Variants in SORCS2 observed in about 807,000 individuals in gnomAD.
The protein encoded by SORCS2 is VPS10 domain-containing receptor SorCS2.
A neutral mutation model predicts 141.6 loss-of-function variants in SORCS2; 100 were observed. The observed-to-expected ratio is 0.71, with a 90% confidence interval of 0.60 to 0.83. The LOEUF (loss-of-function observed/expected upper bound fraction) is 0.83. Ranked by LOEUF, SORCS2 falls within the 40% of genes least tolerant of loss-of-function variation. The pLI is 0.00. For missense variants in SORCS2, 1,646 were observed against 1,560.2 expected (o/e 1.05, Z -0.93); for synonymous variants, 789 against 676.9 (o/e 1.17, Z -2.57).
chr4:7,579,443 G>T (rs1200494263), intron 3 of SORCS2, among the ~76,000 whole-genome samples: 1 of 152,074 alleles, frequency 6.6e-6, no homozygotes, highest in Admixed American at 6.5e-5. Context: ...ATGTATAGCT[G>T]AGCAAACTGA....
intron 3 of SORCS2, among the ~76,000 whole-genome samples, chr4:7,540,785 C>T (rs1379857491): frequency 2.6e-5 from 4 of 152,220 alleles, no homozygotes; most frequent in East Asian, 1.9e-4. Flanking sequence ...CCCCCTGCCC[C>T]CCGCACCCCG....
chr4:7,333,976 C>G (rs1364337745), intron 1 of SORCS2, among the ~76,000 whole-genome samples: 2 of 152,060 alleles, frequency 1.3e-5, no homozygotes, highest in Non-Finnish European at 2.9e-5. Context: ...CCTCCATACT[C>G]AGCTGGGGAC....
chr4:7,317,314 A>T (rs901733696), intron 1 of SORCS2, among the ~76,000 whole-genome samples: 1 of 152,198 alleles, frequency 6.6e-6, no homozygotes, highest in Non-Finnish European at 1.5e-5. Flanking sequence ...CCAAAAGATG[A>T]ATAAGGAGCT....
intron 3 of SORCS2, among the ~76,000 whole-genome samples, chr4:7,610,586 G>T (rs1488415776): frequency 1.3e-5 from 2 of 152,218 alleles, no homozygotes; most frequent in African/African-American, 2.4e-5. Flanking sequence ...CCTGGGGTGG[G>T]GCTTGGGGGG....
At chr4:7,653,966 G>C (rs6826370) in intron 4 of SORCS2, among the ~76,000 whole-genome samples, 168 bp from the exon 5 acceptor site, 1 of 152,128 alleles carries the variant, frequency 6.6e-6, no homozygotes. Context: ...TCCTGGAGGC[G>C]GTGGGGTTTG....
At chr4:7,690,815 A>G (rs115631397) in intron 11 of SORCS2, among the ~76,000 whole-genome samples, 3 of 152,218 alleles carry the variant, frequency 2.0e-5, no homozygotes, top group Admixed American at 2.0e-4. Flanking sequence ...AAACAAGTAT[A>G]CAACTAGCAC....
At chr4:7,711,639 G>C (rs999862953) in intron 14 of SORCS2, among the ~76,000 whole-genome samples, 3 of 152,246 alleles carry the variant, frequency 2.0e-5, no homozygotes, top group Admixed American at 1.3e-4. Flanking sequence ...GAGGGAGAAA[G>C]CGAGGCACCT....
At chr4:7,706,860 C>A (rs1725503794) in intron 14 of SORCS2, among the ~76,000 whole-genome samples, 1 of 152,216 alleles carries the variant, frequency 6.6e-6, no homozygotes, top group Non-Finnish European at 1.5e-5. Flanking sequence ...AGAGTATGTC[C>A]CCTCGTTTGT....
intron 2 of SORCS2, among the ~76,000 whole-genome samples, chr4:7,435,695 G>A (rs1727252243): frequency 6.6e-6 from 1 of 152,246 alleles, no homozygotes; most frequent in Non-Finnish European, 1.5e-5. Flanking sequence ...TCGTTTCTGT[G>A]TCATCTGTTA....
intron 2 of SORCS2, among the ~76,000 whole-genome samples, chr4:7,472,476 A>G (rs1560313023): frequency 1.3e-5 from 2 of 152,048 alleles, no homozygotes; most frequent in Non-Finnish European, 2.9e-5. Flanking sequence ...CTACAGGCCT[A>G]GTGGGTTGTG....
intron 3 of SORCS2, among the ~76,000 whole-genome samples, chr4:7,602,316 G>T (rs1469554532): frequency 1.3e-5 from 2 of 151,910 alleles, no homozygotes; most frequent in African/African-American, 4.8e-5. Flanking sequence ...CCCACCTCCT[G>T]GAGGGGGCGG....
intron 2 of SORCS2, among the ~76,000 whole-genome samples, chr4:7,505,343 A>G (rs1460592265): frequency 2.6e-5 from 4 of 152,124 alleles, no homozygotes; most frequent in African/African-American, 9.7e-5. Flanking sequence ...GGCTGTTCTC[A>G]GAAGGTCTCA....
At chr4:7,708,103 G>C (rs146737354) in intron 14 of SORCS2, among the ~76,000 whole-genome samples, 199 of 152,314 alleles carry the variant, frequency 1.3e-3, no homozygotes, top group African/African-American at 4.7e-3. Context: ...TTCCCTTCCA[G>C]AGACCTGGGC....
intron 2 of SORCS2, among the ~76,000 whole-genome samples, chr4:7,414,112 G>A (rs765285734): frequency 7.9e-5 from 12 of 152,196 alleles, no homozygotes; most frequent in South Asian, 2.1e-4. Flanking sequence ...ACAAGGATAC[G>A]CTTGCTATTC....
At chr4:7,622,122 C>G (rs1199738116) in intron 3 of SORCS2, among the ~76,000 whole-genome samples, 1 of 152,298 alleles carries the variant, frequency 6.6e-6, no homozygotes, top group East Asian at 1.9e-4. Context: ...AAGCCAGGAT[C>G]CCTGCGCTCC....
chr4:7,651,221 G>A (rs901507076), intron 4 of SORCS2, among the ~76,000 whole-genome samples: 1 of 152,186 alleles, frequency 6.6e-6, no homozygotes, highest in Non-Finnish European at 1.5e-5. Flanking sequence ...GCAAACGCGT[G>A]TTGTGGATAG....
chr4:7,413,788 G>C lies in SORCS2; in HGVS notation c.548+17433G>C, dbSNP rs543765312. Among the ~76,000 whole-genome samples, 5 of 152,294 alleles carry C rather than the reference G, an allele frequency of 3.3e-5. No homozygotes were observed. In the East Asian group the frequency reaches 9.6e-4, roughly 29 times the overall value. ...ATTTTTAGACCTCTGAGTCATTTCT[G>C]ATTTTCACTAATGCCGAGATGTAAA... is the stretch of plus-strand genomic sequence containing the variant. On this transcript the variant is annotated intron_variant, in intron 2 of 26. Transcript: ENST00000507866.
chr4:7,315,573 G>T (rs1221419196), intron 1 of SORCS2, among the ~76,000 whole-genome samples: 1 of 152,206 alleles, frequency 6.6e-6, no homozygotes, highest in African/African-American at 2.4e-5. Flanking sequence ...GGACTTTGCT[G>T]TGGTGCGCCA....
At chr4:7,591,748 C>T (rs1042460505) in intron 3 of SORCS2, among the ~76,000 whole-genome samples, 2 of 152,202 alleles carry the variant, frequency 1.3e-5, no homozygotes, top group African/African-American at 2.4e-5. Context: ...TAAAGCGCCC[C>T]ACGGCAGTGA....
Sources: gnomAD v4.1 joint callset for allele counts (sites outside exome capture counted in the v4.1 genomes callset) on GRCh38, gnomAD v4.1.1 for gene constraint, MANE v1.5 for transcripts, NCBI Gene and HGNC (gene_info 2026-07-23, HGNC 2026-07-21) for gene names.